Variants in GARIN1B observed in about 807,000 individuals in gnomAD.
GARIN1B encodes the protein golgi associated RAB2 interactor 1B.
At chr7:128,724,590 G>C in the GARIN1B span, among the ~76,000 whole-genome samples, 1 of 152,138 alleles carries the variant, frequency 6.6e-6, no homozygotes, top group Non-Finnish European at 1.5e-5. Context: ...AAAGAGACAG[G>C]AGTTGAGCGT....
At chr7:128,711,933 C>T in the GARIN1B span, among the ~76,000 whole-genome samples, 8 of 152,184 alleles carry the variant, frequency 5.3e-5, no homozygotes, top group East Asian at 5.8e-4. Flanking sequence ...CCCAGCTACT[C>T]GGGAGGCTGA....
chr7:128,716,735 G>C, the GARIN1B span: 2 of 1,222,588 alleles, frequency 1.6e-6, no homozygotes, highest in African/African-American at 3.0e-5. Context: ...TAATAGTGTC[G>C]AGGTTGAGAA....
chr7:128,709,979 C>T, the GARIN1B span, among the ~76,000 whole-genome samples: 1 of 151,628 alleles, frequency 6.6e-6, no homozygotes, highest in East Asian at 1.9e-4. Flanking sequence ...TCTCGAACTC[C>T]TAACCTCATG....
the GARIN1B span, among the ~76,000 whole-genome samples, chr7:128,709,959 GC>G: frequency 6.6e-6 from 1 of 151,586 alleles, no homozygotes; most frequent in African/African-American, 2.4e-5. Context: ...CACCATGTTG[GC>G]CAGGCTGGTC....
chr7:128,711,654 T>TACAC, the GARIN1B span, among the ~76,000 whole-genome samples: 291 of 107,892 alleles, frequency 2.7e-3, 2 homozygotes, highest in East Asian at 4.1e-3. Context: ...ATTTTGGTTT[T>TACAC]ACAGACACAC....
the GARIN1B span, among the ~76,000 whole-genome samples, chr7:128,718,434 G>GA: frequency 0.1 from 12,041 of 117,852 alleles, 807 homozygotes; most frequent in East Asian, 0.24. Context: ...CTTTGCCTCA[G>GA]AAAAAAAAAA....
the GARIN1B span, among the ~76,000 whole-genome samples, chr7:128,711,525 T>C: frequency 1.3e-5 from 2 of 152,050 alleles, no homozygotes; most frequent in African/African-American, 2.4e-5. Context: ...TTGGAGAAAG[T>C]ATAATATGGC....
the GARIN1B span, among the ~76,000 whole-genome samples, chr7:128,725,967 TGAA>T: frequency 6.6e-6 from 1 of 151,716 alleles, no homozygotes. Flanking sequence ...AAAGAAAGGG[TGAA>T]GAAGGGCCAG....
At chr7:128,730,104 G>A in the GARIN1B span, 3 of 1,594,676 alleles carry the variant, frequency 1.9e-6, no homozygotes, top group Non-Finnish European at 2.6e-6. Flanking sequence ...GCCATTGTGG[G>A]GCAGCCCTGG....
chr7:128,719,069 T>A, the GARIN1B span: 1 of 1,613,504 alleles, frequency 6.2e-7, no homozygotes, highest in South Asian at 1.1e-5. Context: ...CAGCAGCCCC[T>A]CAGGAGATTC....
chr7:128,731,423 C>A, the GARIN1B span: 2 of 468,122 alleles, frequency 4.3e-6, no homozygotes, highest in Non-Finnish European at 7.7e-6. Flanking sequence ...TGGAAGGAAG[C>A]AAAATGGAGG....
chr7:128,723,413 G>A, the GARIN1B span: 26 of 1,500,936 alleles, frequency 1.7e-5, no homozygotes, highest in South Asian at 1.7e-4. Context: ...CTTGGTTAAT[G>A]AGCGCAGGGT....
the GARIN1B span, chr7:128,715,738 G>A: frequency 6.7e-7 from 1 of 1,496,046 alleles, no homozygotes; most frequent in Non-Finnish European, 9.3e-7. Flanking sequence ...TTCGAAACCT[G>A]TTCCCAAGAT....
the GARIN1B span, chr7:128,730,018 C>G: frequency 1.2e-6 from 2 of 1,614,094 alleles, no homozygotes; most frequent in Non-Finnish European, 1.7e-6. Context: ...GCCCCTCTCA[C>G]TACTCAGCAC....
At chr7:128,723,839 G>A in the GARIN1B span, among the ~76,000 whole-genome samples, 1 of 151,918 alleles carries the variant, frequency 6.6e-6, no homozygotes, top group Non-Finnish European at 1.5e-5. Context: ...CTTGACTCAG[G>A]ACAACCTTCC....
the GARIN1B span, among the ~76,000 whole-genome samples, chr7:128,712,415 C>T: frequency 1.3e-5 from 2 of 152,222 alleles, no homozygotes; most frequent in Non-Finnish European, 2.9e-5. Flanking sequence ...CACCATCCAT[C>T]TCCAGAACTT....
chr7:128,728,020 T>A, the GARIN1B span, among the ~76,000 whole-genome samples: 3 of 152,194 alleles, frequency 2.0e-5, no homozygotes, highest in African/African-American at 7.2e-5. Flanking sequence ...TTCCTTCACG[T>A]TGGCTCAGTA....
chr7:128,726,728 G>A, the GARIN1B span: 1 of 1,273,520 alleles, frequency 7.9e-7, no homozygotes, highest in South Asian at 1.2e-5. Flanking sequence ...TGTCTCTAAA[G>A]CTTTGCATCA....
At chr7:128,710,760 C>A in the GARIN1B span, among the ~76,000 whole-genome samples, 2 of 151,708 alleles carry the variant, frequency 1.3e-5, no homozygotes. Flanking sequence ...TCTGGGCTCA[C>A]CGCAACCTCC....
Sources: allele counts gnomAD v4.1 joint callset (sites outside exome capture counted in the v4.1 genomes callset), GRCh38; gene constraint gnomAD v4.1.1; transcripts MANE v1.5; gene names NCBI Gene and HGNC (gene_info 2026-07-23, HGNC 2026-07-21).